The following TENM2 variants were observed in gnomAD, a reference collection of about 807,000 sequenced individuals.
The protein encoded by TENM2 is teneurin transmembrane protein 2.
TENM2 carries 52 observed loss-of-function variants against 245.2 expected under a neutral mutation model. The observed-to-expected ratio is 0.21, with a 90% CI of 0.17 to 0.27. The LOEUF (loss-of-function observed/expected upper bound fraction) is 0.27. Ranked by LOEUF, TENM2 falls within the 10% of genes least tolerant of loss-of-function variation. The pLI is 1.00. For synonymous variants in TENM2, 1,363 were observed against 1,438.9 expected (o/e 0.95, Z 1.19); for missense variants, 3,046 against 3,666.8 (o/e 0.83, Z 4.37).
intron 12 of TENM2, among the ~76,000 whole-genome samples, chr5:168,160,198 T>C (rs1757621952): frequency 6.6e-6 from 1 of 152,220 alleles, no homozygotes; most frequent in East Asian, 1.9e-4. Flanking sequence ...CTCTTTTCCT[T>C]GAGAACCTGT....
chr5:167,219,806 C>T, the TENM2 span, among the ~76,000 whole-genome samples: 1 of 152,298 alleles, frequency 6.6e-6, no homozygotes, highest in African/African-American at 2.4e-5. Context: ...TAAGTGGCTG[C>T]ACATCGTTTG....
chr5:167,615,237 A>G (rs1777720270), intron 2 of TENM2, among the ~76,000 whole-genome samples: 1 of 151,934 alleles, frequency 6.6e-6, no homozygotes, highest in African/African-American at 2.4e-5. Flanking sequence ...TTTTTTTTCT[A>G]TATGTTTAGA....
chr5:167,718,672 A>G lies in TENM2; in HGVS notation c.503-157314A>G, dbSNP rs549562816. 5.3e-5 allele frequency among the ~76,000 whole-genome samples: 8 copies of G among 152,374 alleles called. No individual in the cohort carries two copies. The South Asian group carries it at 1.7e-3, about 32-fold the overall frequency. On this transcript the variant is annotated intron_variant, in intron 2 of 28. Transcript: ENST00000518659. ...AGAATATGGGTTTTGAGGTCATATT[A>G]TAGATCGGGATTCATACAAATTAAA...
At chr5:168,022,930 G>C (rs964913373) in intron 5 of TENM2, among the ~76,000 whole-genome samples, 2 of 152,056 alleles carry the variant, frequency 1.3e-5, no homozygotes, top group Admixed American at 6.5e-5. Context: ...TCTCGCCTGC[G>C]CTATCTAGGC....
At chr5:167,839,268 C>T (rs1168821490) in intron 2 of TENM2, among the ~76,000 whole-genome samples, 1 of 152,162 alleles carries the variant, frequency 6.6e-6, no homozygotes, top group East Asian at 1.9e-4. Context: ...TAAGAGATGC[C>T]AGATGAATCT....
chr5:167,112,210 G>A, the TENM2 span, among the ~76,000 whole-genome samples: 2 of 152,180 alleles, frequency 1.3e-5, no homozygotes, highest in Non-Finnish European at 1.5e-5. Flanking sequence ...AATCATTCAG[G>A]TAAACAGCAA....
chr5:167,145,813 C>G, the TENM2 span, among the ~76,000 whole-genome samples: 2 of 152,120 alleles, frequency 1.3e-5, no homozygotes, highest in Non-Finnish European at 1.5e-5. Context: ...TTTGATTTGT[C>G]CATCTTCTGG....
chr5:167,909,023 G>T (rs190764768), intron 3 of TENM2, among the ~76,000 whole-genome samples: 1 of 149,718 alleles, frequency 6.7e-6, no homozygotes, highest in East Asian at 2.0e-4. Context: ...ATTCCTCAGT[G>T]TGACATTTCT....
chr5:167,914,465 C>T (rs1407499668), intron 3 of TENM2, among the ~76,000 whole-genome samples: 9 of 152,180 alleles, frequency 5.9e-5, no homozygotes, highest in Non-Finnish European at 8.8e-5. Context: ...CTTATAAGAA[C>T]GCTTATGATT....
chr5:167,581,620 A>G (rs1346967110), intron 2 of TENM2, among the ~76,000 whole-genome samples: 1 of 152,214 alleles, frequency 6.6e-6, no homozygotes, highest in Non-Finnish European at 1.5e-5. Context: ...ATTATAGAGA[A>G]TATATGTATG....
chr5:168,099,312 T>G (rs1288804707), intron 9 of TENM2, among the ~76,000 whole-genome samples: 1 of 152,160 alleles, frequency 6.6e-6, no homozygotes, highest in Non-Finnish European at 1.5e-5. Flanking sequence ...TTGAGTGCAC[T>G]TGCTGCAGAG....
At chr5:167,627,641 T>A (rs1054112698) in intron 2 of TENM2, among the ~76,000 whole-genome samples, 1 of 151,192 alleles carries the variant, frequency 6.6e-6, no homozygotes, top group Admixed American at 6.6e-5. Flanking sequence ...CACTGCAACC[T>A]CCACCTCCCA....
At chr5:167,546,023 A>T (rs930351562) in intron 2 of TENM2, among the ~76,000 whole-genome samples, 3 of 152,238 alleles carry the variant, frequency 2.0e-5, no homozygotes, top group Non-Finnish European at 4.4e-5. Context: ...GAAGCAGCTC[A>T]TTCAATGTTC....
intron 6 of TENM2, among the ~76,000 whole-genome samples, chr5:168,058,127 G>A (rs1188955825): frequency 1.3e-5 from 2 of 152,178 alleles, no homozygotes; most frequent in African/African-American, 4.8e-5. Flanking sequence ...CAAACTTGCT[G>A]AGTTATGCGT....
intron 2 of TENM2, among the ~76,000 whole-genome samples, chr5:167,614,818 C>G (rs2127757084): frequency 6.6e-6 from 1 of 152,186 alleles, no homozygotes. Context: ...TGTCCCCTGG[C>G]AGTTAGTTTC....
At chr5:167,949,477 C>G (rs1561970265) in intron 3 of TENM2, among the ~76,000 whole-genome samples, 1 of 152,188 alleles carries the variant, frequency 6.6e-6, no homozygotes, top group Non-Finnish European at 1.5e-5. Context: ...TCTTATCCAT[C>G]CTTTCATCCC....
At chr5:168,215,520 T>A (rs1763107779) in intron 21 of TENM2, among the ~76,000 whole-genome samples, 1 of 152,056 alleles carries the variant, frequency 6.6e-6, no homozygotes, top group Non-Finnish European at 1.5e-5. Context: ...TTACAAAAAA[T>A]TAGCCGGGCG....
At chr5:167,371,845 A>G (rs1292850208) in intron 1 of TENM2, among the ~76,000 whole-genome samples, 1 of 152,184 alleles carries the variant, frequency 6.6e-6, no homozygotes, top group Non-Finnish European at 1.5e-5. Flanking sequence ...GAGTGATTTA[A>G]TAACTGGATA....
chr5:167,062,651 T>C, the TENM2 span, among the ~76,000 whole-genome samples: 72 of 152,178 alleles, frequency 4.7e-4, no homozygotes, highest in Non-Finnish European at 9.3e-4. Flanking sequence ...TGGGGACAGG[T>C]GAACACGACA....
Sources: allele counts gnomAD v4.1 joint callset (sites outside exome capture counted in the v4.1 genomes callset), GRCh38; gene constraint gnomAD v4.1.1; transcripts MANE v1.5; gene names NCBI Gene and HGNC (gene_info 2026-07-23, HGNC 2026-07-21).